KHDC1: variants seen among roughly 807,000 people sequenced by gnomAD.
KHDC1 encodes KH domain containing 1.
Under a neutral mutation model 24.7 loss-of-function variants are expected in KHDC1, and 21 were observed. The observed-to-expected ratio is 0.85, with a 90% CI of 0.60 to 1.23. The LOEUF is 1.23. Among genes scored for constraint, KHDC1 ranks in the 50% most tolerant of loss-of-function variants. The probability of loss-of-function intolerance (pLI) is 0.00; values close to 1 mark genes in which losing one functional copy is unlikely to be tolerated. For synonymous variants in KHDC1, 98 were observed against 111.7 expected (o/e 0.88, Z 0.77); for missense variants, 274 against 298.5 (o/e 0.92, Z 0.61).
At chr6:73,284,667 A>C (rs1767486378) in intron 2 of KHDC1, 1 of 152,172 alleles carries the variant, frequency 6.6e-6, no homozygotes, top group African/African-American at 2.4e-5. Context: ...GCAGGCAAGA[A>C]GAATCTGTTG....
chr6:73,257,434 C>T (rs1408446931), intron 2 of KHDC1, among the ~76,000 whole-genome samples: 1 of 152,200 alleles, frequency 6.6e-6, no homozygotes, highest in Non-Finnish European at 1.5e-5. Flanking sequence ...GAGACGAAGT[C>T]TCACTCTTTC....
chr6:73,287,263 A>T (rs1767539972), intron 2 of KHDC1, among the ~76,000 whole-genome samples: 1 of 152,152 alleles, frequency 6.6e-6, no homozygotes, highest in Non-Finnish European at 1.5e-5. Context: ...CTCTAATAGC[A>T]ATTGCGATGA....
chr6:73,306,410 T>C (rs1476167625), intron 1 of KHDC1, among the ~76,000 whole-genome samples: 1 of 152,116 alleles, frequency 6.6e-6, no homozygotes, highest in South Asian at 2.1e-4. Flanking sequence ...TTACCCAGGT[T>C]TTCCCATCCA....
At chr6:73,295,440 G>A (rs571008287) in intron 1 of KHDC1, among the ~76,000 whole-genome samples, 155 of 152,230 alleles carry the variant, frequency 1.0e-3, no homozygotes, top group African/African-American at 3.5e-3. Flanking sequence ...AGTGGCTCAC[G>A]CCTGTAATCC....
At chr6:73,290,675 TTGC>T (rs1177163113) in intron 2 of KHDC1, 92 of 467,450 alleles carry the variant, frequency 2.0e-4, no homozygotes, top group Middle Eastern at 7.6e-4. Context: ...GTGCTGAAGT[TTGC>T]TGCTGCTGCT....
At chr6:73,253,619 C>T (rs1431400263) in intron 2 of KHDC1, among the ~76,000 whole-genome samples, 7 of 152,002 alleles carry the variant, frequency 4.6e-5, no homozygotes, top group Non-Finnish European at 8.8e-5. Flanking sequence ...CCATTTGAGG[C>T]CAGGTGCACT....
intron 2 of KHDC1, chr6:73,276,586 G>C (rs1456074481): frequency 6.6e-6 from 1 of 151,882 alleles, no homozygotes; most frequent in African/African-American, 2.4e-5. Flanking sequence ...AAGATCACTT[G>C]AGCTTGGGAG....
Position 73,289,302 on chromosome 6 carries a change from C to G in KHDC1, c.206+2696G>C, listed in dbSNP as rs565041917. On this transcript the variant is annotated intron_variant, in intron 2 of 4. Coordinates refer to ENST00000370384, the Ensembl canonical transcript of KHDC1. ...TAAGCGAAGATTGCACCACTGCACT[C>G]CGGCCTGGGCGACAGAGTGAGACTC... is the stretch of plus-strand genomic sequence containing the variant. Among the ~76,000 whole-genome samples the G allele has an allele frequency of 7.2e-5, 10 of 138,312 alleles. No individual in the cohort carries two copies. In the East Asian group the frequency reaches 2.2e-3, roughly 30 times the overall value. 90.7% of individuals were successfully genotyped at this position (138,312 alleles called of 152,430 possible). A position where few individuals can be genotyped will look rare whatever the true frequency, so the allele number is the denominator to read the frequency against.
chr6:73,298,009 G>A (rs1476829823), intron 1 of KHDC1, among the ~76,000 whole-genome samples: 1 of 152,102 alleles, frequency 6.6e-6, no homozygotes, highest in Non-Finnish European at 1.5e-5. Flanking sequence ...TCGCCAACAT[G>A]GTGAAATCCT....
intron 1 of KHDC1, chr6:73,300,964 C>G (rs1029382347): frequency 1.3e-5 from 2 of 152,094 alleles, no homozygotes; most frequent in African/African-American, 4.8e-5. Context: ...CGCCTGTAAT[C>G]CCAGCACTTT....
At chr6:73,309,787 G>C in exon 1 of KHDC1, 1 of 1,499,760 alleles carries the variant, frequency 6.7e-7, no homozygotes, top group Non-Finnish European at 8.9e-7. Context: ...CCACCGCAGA[G>C]CCCGCCGGCG....
At chr6:73,306,836 G>A (rs1180518490) in intron 1 of KHDC1, among the ~76,000 whole-genome samples, 2 of 152,064 alleles carry the variant, frequency 1.3e-5, no homozygotes, top group Non-Finnish European at 1.5e-5. Context: ...GTGAAACCCC[G>A]TCTCTACTAA....
chr6:73,292,976 C>A, intron 1 of KHDC1: 1 of 930,432 alleles, frequency 1.1e-6, no homozygotes, highest in South Asian at 1.3e-5. Context: ...GACTTTCTGT[C>A]ACATCCACCA....
At chr6:73,262,700 T>G in intron 2 of KHDC1, 74 bp downstream of exon 1, 1 of 979,960 alleles carries the variant, frequency 1.0e-6, no homozygotes, top group South Asian at 4.7e-5. Flanking sequence ...TCTTTGCAGC[T>G]CACTTTCCTT....
At chr6:73,290,984 C>T (rs1247870166) in intron 2 of KHDC1, 1 of 353,938 alleles carries the variant, frequency 2.8e-6, no homozygotes, top group African/African-American at 2.1e-5. Flanking sequence ...CTCCCATGAT[C>T]ATGCCTGATC....
At chr6:73,260,089 C>T (rs1241679431) in intron 2 of KHDC1, among the ~76,000 whole-genome samples, 1 of 152,040 alleles carries the variant, frequency 6.6e-6, no homozygotes, top group African/African-American at 2.4e-5. Flanking sequence ...TCAGCATAGC[C>T]CCCTCCTTTC....
At chr6:73,244,622 C>A (rs1001944736) in intron 2 of KHDC1, among the ~76,000 whole-genome samples, 1 of 139,034 alleles carries the variant, frequency 7.2e-6, no homozygotes, top group Non-Finnish European at 1.5e-5. Flanking sequence ...AACAATGAAT[C>A]GGGGAGTGGT....
intron 1 of KHDC1, chr6:73,292,310 C>A: frequency 1.9e-6 from 2 of 1,042,424 alleles, no homozygotes; most frequent in South Asian, 1.3e-5. Flanking sequence ...CTTTGACTAC[C>A]TGGCGGACAA....
intron 1 of KHDC1, chr6:73,309,452 G>A: frequency 4.1e-6 from 5 of 1,221,120 alleles, no homozygotes; most frequent in Non-Finnish European, 4.4e-6. Context: ...TTCAGACTAA[G>A]GAGCTGGAGT....
Sources: allele counts gnomAD v4.1 joint callset (sites outside exome capture counted in the v4.1 genomes callset), GRCh38; gene constraint gnomAD v4.1.1; transcripts MANE v1.5; gene names NCBI Gene and HGNC (gene_info 2026-07-23, HGNC 2026-07-21).